CASP9: variants seen among roughly 807,000 people sequenced by gnomAD.
CASP9 encodes the protein caspase 9.
A neutral mutation model predicts 43.5 loss-of-function variants in CASP9; 29 were observed. The ratio of observed to expected loss-of-function variants is 0.67; its 90% confidence interval spans 0.50 to 0.91. The LOEUF (loss-of-function observed/expected upper bound fraction) is 0.91, where lower values mean the gene tolerates loss of function less well. CASP9 is among the 40% of genes least tolerant of loss of function. The pLI, the probability that CASP9 is intolerant of heterozygous loss-of-function variation, is 0.00. For missense variants in CASP9, 575 were observed against 537.4 expected, an observed-to-expected ratio of 1.07 and a Z score of -0.69; for synonymous variants, 206 against 211.9, an observed-to-expected ratio of 0.97 and a Z score of 0.24.
At chr1:15,512,262 G>A (rs1006928838) in intron 2 of CASP9, among the ~76,000 whole-genome samples, 4 of 152,106 alleles carry the variant, frequency 2.6e-5, no homozygotes, top group African/African-American at 9.7e-5. Context: ...AGATCACAGG[G>A]TACCCAAATA....
At chr1:15,520,986 T>G (rs943733424) in intron 1 of CASP9, among the ~76,000 whole-genome samples, 1 of 151,592 alleles carries the variant, frequency 6.6e-6, no homozygotes, top group African/African-American at 2.4e-5. Flanking sequence ...TGAAACCCCA[T>G]CTCTACTAAA....
intron 2 of CASP9, among the ~76,000 whole-genome samples, chr1:15,510,183 C>A (rs1049100202): frequency 6.6e-6 from 1 of 152,080 alleles, no homozygotes; most frequent in Admixed American, 6.5e-5. Flanking sequence ...ACCTGCCTCA[C>A]CCTCCCAAAG....
intron 2 of CASP9, among the ~76,000 whole-genome samples, chr1:15,513,741 A>T (rs1437216475): frequency 1.3e-5 from 2 of 152,202 alleles, no homozygotes; most frequent in Non-Finnish European, 2.9e-5. Context: ...TGGCACAAAT[A>T]TAGGGACAAG....
At chr1:15,507,716 G>A (rs1570850514) in intron 3 of CASP9, 157 bp downstream of exon 3, 4 of 681,156 alleles carry the variant, frequency 5.9e-6, no homozygotes, top group South Asian at 3.6e-5. Context: ...CCCAGCAGGC[G>A]CTGGGCCGGA....
chr1:15,497,409 C>G (rs1298985058), intron 6 of CASP9, among the ~76,000 whole-genome samples: 1 of 151,732 alleles, frequency 6.6e-6, no homozygotes, highest in Non-Finnish European at 1.5e-5. Flanking sequence ...CTTTGGGAGA[C>G]CGAGGCTGGT....
chr1:15,506,850 C>T (rs4646037), intron 4 of CASP9, 49 bp downstream of exon 4: 33,777 of 1,494,062 alleles, frequency 0.023, 481 homozygotes, highest in Middle Eastern at 0.029. Context: ...AAGATACTTC[C>T]CCACCCACTG....
chr1:15,511,045 C>T (rs1052453356), intron 2 of CASP9, among the ~76,000 whole-genome samples: 1 of 152,082 alleles, frequency 6.6e-6, no homozygotes, highest in African/African-American at 2.4e-5. Context: ...AGTTGGGATT[C>T]CAAAGAAAGA....
At chr1:15,505,090 CT>C (rs1251985323) in intron 5 of CASP9, among the ~76,000 whole-genome samples, 2 of 152,196 alleles carry the variant, frequency 1.3e-5, no homozygotes, top group Non-Finnish European at 2.9e-5. Context: ...AATGTGATTC[CT>C]GGGCCCCACC....
At chr1:15,493,487 T>A in intron 8 of CASP9, 1 of 1,297,180 alleles carries the variant, frequency 7.7e-7, no homozygotes. Context: ...GAGAAGGCGA[T>A]GTACAAGGAG....
At chr1:15,514,027 T>C (rs1709862422) in intron 2 of CASP9, among the ~76,000 whole-genome samples, 1 of 152,206 alleles carries the variant, frequency 6.6e-6, no homozygotes, top group East Asian at 1.9e-4. Flanking sequence ...TGTGTCCACA[T>C]TATTATTCAT....
chr1:15,494,314 C>T lies in CASP9; in HGVS notation c.1049-313G>A, dbSNP rs576018211. On this transcript the variant is annotated intron_variant, in intron 7 of 8. Coordinates refer to ENST00000333868, the MANE Select transcript of CASP9 (RefSeq NM_001229.5). ...GCACAGTGGCTCACACCTGTAATCC[C>T]AGCATTTTGGAAGGCCGAGGTGGGC... is the stretch of plus-strand genomic sequence containing the variant. 2.0e-5 allele frequency among the ~76,000 whole-genome samples: 3 copies of T among 152,250 alleles called. No homozygotes were observed. The East Asian group carries it at 5.8e-4, about 29-fold the overall frequency.
intron 2 of CASP9, among the ~76,000 whole-genome samples, chr1:15,513,424 A>C (rs1709840159): frequency 6.6e-6 from 1 of 152,156 alleles, no homozygotes; most frequent in African/African-American, 2.4e-5. Flanking sequence ...GCAGTTACAC[A>C]CAAGGCATCA....
intron 6 of CASP9, among the ~76,000 whole-genome samples, chr1:15,496,773 A>C (rs1709118524): frequency 6.6e-6 from 1 of 152,238 alleles, no homozygotes; most frequent in Admixed American, 6.5e-5. Flanking sequence ...TCACGCCTGT[A>C]ATCTCAACAC....
intron 8 of CASP9, 167 bp from the exon 9 acceptor site, chr1:15,493,202 T>C: frequency 2.1e-6 from 3 of 1,413,366 alleles, no homozygotes; most frequent in South Asian, 1.6e-5. Flanking sequence ...CAACTTTACC[T>C]TTAAAAAACT....
upstream of CASP9, chr1:15,524,219 A>G: frequency 6.5e-7 from 1 of 1,534,908 alleles, no homozygotes; most frequent in Non-Finnish European, 8.7e-7. Flanking sequence ...GCCAACTAAG[A>G]CTCCAGGCCG....
chr1:15,502,109 G>A (rs908280987), intron 6 of CASP9, among the ~76,000 whole-genome samples: 3 of 152,158 alleles, frequency 2.0e-5, no homozygotes, highest in African/African-American at 7.2e-5. Context: ...CAGACTGTGG[G>A]CTCTGTGCCA....
chr1:15,504,332 GCTTT>G (rs1241575112), intron 6 of CASP9, among the ~76,000 whole-genome samples: 3 of 152,218 alleles, frequency 2.0e-5, no homozygotes, highest in African/African-American at 4.8e-5. Flanking sequence ...TCTCTCTTCT[GCTTT>G]CTTTTTGCCA....
chr1:15,520,692 G>A (rs1347466279), intron 1 of CASP9, among the ~76,000 whole-genome samples: 1 of 152,324 alleles, frequency 6.6e-6, no homozygotes, highest in Admixed American at 6.5e-5. Flanking sequence ...GGTGGCTCAC[G>A]CCTGTAATCC....
Position 15,492,854 on chromosome 1 carries a change from T to C in CASP9, c.*89A>G. On this transcript the variant is annotated 3_prime_UTR_variant, in exon 9 of 9. Coordinates refer to ENST00000333868, the MANE Select transcript of CASP9 (RefSeq NM_001229.5). ...CTGTGCCGGCTGCAAAGTCCTTGAGTTGCAGGAAAGTCCAGGCCTCAGCCT... is the reference window on the plus strand; with the variant it reads ...CTGTGCCGGCTGCAAAGTCCTTGAGCTGCAGGAAAGTCCAGGCCTCAGCCT... 6.5e-7 allele frequency: 1 copy of C among 1,548,892 alleles called. No homozygotes were observed. The highest frequency in any genetic ancestry group is 1.2e-5 in the South Asian group (1 of 83,678).
Sources: gnomAD v4.1 joint callset for allele counts (sites outside exome capture counted in the v4.1 genomes callset) on GRCh38, gnomAD v4.1.1 for gene constraint, MANE v1.5 for transcripts, NCBI Gene and HGNC (gene_info 2026-07-23, HGNC 2026-07-21) for gene names.